Variants in SS18L1 observed in about 807,000 individuals in gnomAD.
The protein encoded by SS18L1 is SS18L1 subunit of BAF chromatin remodeling complex.
SS18L1 carries 32 observed loss-of-function variants against 70.3 expected under a neutral mutation model. The observed-to-expected ratio is 0.46, with a 90% CI of 0.34 to 0.61. The LOEUF is 0.61. Ranked by LOEUF, SS18L1 falls within the 20% of genes least tolerant of loss-of-function variation. The pLI, the probability that SS18L1 is intolerant of heterozygous loss-of-function variation, is 0.01. For synonymous variants in SS18L1, 237 were observed against 229.7 expected, an observed-to-expected ratio of 1.03 and a Z score of -0.29; for missense variants, 430 against 542.1, an observed-to-expected ratio of 0.79 and a Z score of 2.05.
At position 62,164,786 on chromosome 20, in the gene SS18L1, T is replaced by C. The variant is rs1456135309; in HGVS notation, c.823+540T>C. On this transcript the variant is annotated intron_variant, in intron 7 of 10. Coordinates refer to ENST00000331758, the MANE Select transcript of SS18L1 (RefSeq NM_198935.3). ...GTTCACACCTGTCATTCCGGCACTT[T>C]GGGAGGCTGAGGCAGGAGGATCGCT... Among the ~76,000 whole-genome samples, 7 of 152,164 alleles carry C rather than the reference T, an allele frequency of 4.6e-5. No homozygotes were observed. In the East Asian group the frequency reaches 1.3e-3, roughly 29 times the overall value.
intron 8 of SS18L1, 140 bp from the exon 9 acceptor site, chr20:62,172,542 A>G: frequency 2.4e-6 from 3 of 1,247,734 alleles, no homozygotes; most frequent in Non-Finnish European, 2.3e-6. Flanking sequence ...TAGTATTTGA[A>G]TGGTTGTGAA....
At chr20:62,144,556 T>C (rs1568731106) in intron 1 of SS18L1, among the ~76,000 whole-genome samples, 1 of 152,256 alleles carries the variant, frequency 6.6e-6, no homozygotes, top group Non-Finnish European at 1.5e-5. Flanking sequence ...TCCTCGCGGC[T>C]ACGCCGGGTT....
At position 62,163,630 on chromosome 20, in the gene SS18L1, C is replaced by T. The variant is rs1213220097; in HGVS notation, c.721+8C>T. On this transcript the variant is annotated splice_region_variant and intron_variant, in intron 6 of 10. Transcript: ENST00000331758. ...ACCGGCCCTCCCAGCAAGGTAACGC[C>T]CGGCCGGGCCAGGTCGCGGGCACAG... The T allele has an allele frequency of 1.3e-6, 2 of 1,566,908 alleles. No homozygotes were observed. The highest frequency in any genetic ancestry group is 1.3e-5 in the African/African-American group (1 of 74,376).
Position 62,159,089 on chromosome 20 carries a change from C to T in SS18L1, c.146+341C>T, listed in dbSNP as rs949837450. 2 of 1,434,788 alleles carry T rather than the reference C, an allele frequency of 1.4e-6. No individual in the cohort carries two copies. Among genetic ancestry groups the T allele is most frequent in the Non-Finnish European group, 1.9e-6 (2 of 1,074,960 alleles). 88.9% of individuals were successfully genotyped at this position (1,434,788 alleles called of 1,614,324 possible). A position where few individuals can be genotyped will look rare whatever the true frequency, so the allele number is the denominator to read the frequency against. On this transcript the variant is annotated intron_variant, in intron 2 of 10. Coordinates refer to ENST00000331758, the MANE Select transcript of SS18L1 (RefSeq NM_198935.3). This position sits in a 1 kb window ranked among gnomAD's most constrained non-coding sequence, Gnocchi z 4.4. ...TCCCTGGCACAGCTGCGAAGCATTGCTGCCAGAACTGGGGTAGTTCTGAGG... is the reference window on the plus strand; with the variant it reads ...TCCCTGGCACAGCTGCGAAGCATTGTTGCCAGAACTGGGGTAGTTCTGAGG...
Position 62,161,658 on chromosome 20 carries a change from G to A in SS18L1, c.376+78G>A, listed in dbSNP as rs952682117. On this transcript the variant is annotated intron_variant, in intron 4 of 10. Coordinates refer to ENST00000331758, the MANE Select transcript of SS18L1 (RefSeq NM_198935.3). The surrounding 1 kb of genome is among the most constrained non-coding windows in gnomAD (Gnocchi z 4.4). ...CCCTTGGGCAGCCGGCTGCCATGGT[G>A]GGGCACCCCACCCCTCACAGGGCTG... 6.5e-6 allele frequency: 10 copies of A among 1,534,944 alleles called. No homozygotes were observed. The highest frequency in any genetic ancestry group is 7.9e-6 in the Non-Finnish European group (9 of 1,136,476).
chr20:62,166,168 A>G (rs1601033325), intron 8 of SS18L1, among the ~76,000 whole-genome samples: 2 of 152,022 alleles, frequency 1.3e-5, no homozygotes, highest in South Asian at 4.1e-4. Flanking sequence ...TTCCAGTCCC[A>G]CCCCGGGATA....
intron 1 of SS18L1, among the ~76,000 whole-genome samples, chr20:62,151,002 G>A (rs2057120141): frequency 6.6e-6 from 1 of 152,190 alleles, no homozygotes; most frequent in South Asian, 2.1e-4. Flanking sequence ...GGACAACCAT[G>A]AGGACACTGG....
chr20:62,159,751 G>A lies in SS18L1; in HGVS notation c.147-126G>A. On this transcript the variant is annotated intron_variant, in intron 2 of 10. Transcript: ENST00000331758. The surrounding 1 kb of genome is among the most constrained non-coding windows in gnomAD (Gnocchi z 4.4). Reference sequence around the variant, plus strand: ...TGTGTCCAGCTGGGTGTCATCTGGGGTCCATGTCCTCATGGGGTTTGGCTG... The same window carrying A: ...TGTGTCCAGCTGGGTGTCATCTGGGATCCATGTCCTCATGGGGTTTGGCTG... 2.2e-6 allele frequency: 2 copies of A among 890,114 alleles called. No homozygotes were observed. The highest frequency in any genetic ancestry group is 1.7e-6 in the Non-Finnish European group (1 of 584,854). The allele number at this position is 890,114 out of a possible 1,614,324, so 55.1% of individuals were successfully genotyped here.
At chr20:62,156,789 T>G (rs1360475619) in intron 1 of SS18L1, among the ~76,000 whole-genome samples, 4 of 152,096 alleles carry the variant, frequency 2.6e-5, no homozygotes, top group Non-Finnish European at 5.9e-5. Flanking sequence ...GGTGGGCTCC[T>G]CCTCCCCTTG....
chr20:62,154,115 A>G (rs1200337240), intron 1 of SS18L1, among the ~76,000 whole-genome samples: 1 of 152,062 alleles, frequency 6.6e-6, no homozygotes. Context: ...GAAACGGGGG[A>G]GCTGACATGG....
At chr20:62,167,036 T>G (rs2057444878) in intron 8 of SS18L1, among the ~76,000 whole-genome samples, 1 of 127,844 alleles carries the variant, frequency 7.8e-6, no homozygotes, top group Admixed American at 7.7e-5. Context: ...GCTCAGGAGT[T>G]TGTTTGTTTT....
At chr20:62,156,021 A>G (rs375304381) in intron 1 of SS18L1, among the ~76,000 whole-genome samples, 3 of 152,100 alleles carry the variant, frequency 2.0e-5, no homozygotes, top group South Asian at 4.2e-4. Flanking sequence ...CTCTGTATCC[A>G]GTTTTCTAAA....
intron 1 of SS18L1, among the ~76,000 whole-genome samples, chr20:62,144,809 C>G (rs1026446520): frequency 2.0e-5 from 3 of 152,256 alleles, no homozygotes; most frequent in African/African-American, 7.2e-5. Flanking sequence ...TCAGTTGTCA[C>G]AACATCTGTT....
At position 62,162,839 on chromosome 20, in the gene SS18L1, C is replaced by T. The variant is rs140015301; in HGVS notation, c.464C>T (p.Ala155Val). ...MSISGPGYSH[A>V]GPASQGVPMQ... ...ATCTCTGGGCCCGGCTACAGCCACG[C>T]GGGACCCGCCTCGCAGGGCGTCCCC... The change falls in exon 5 of 11, where the codon GCG becomes GTG. Residue 155 changes from alanine (A) to valine (V), a missense_variant. Coordinates refer to ENST00000331758, the MANE Select transcript of SS18L1 (RefSeq NM_198935.3). 31 of 1,612,732 alleles carry T rather than the reference C, an allele frequency of 1.9e-5. No homozygotes were observed. The highest frequency in any genetic ancestry group is 9.3e-5 in the African/African-American group (7 of 74,940).
chr20:62,164,040 TG>T, intron 6 of SS18L1, 104 bp from the exon 7 acceptor site: 1 of 933,514 alleles, frequency 1.1e-6, no homozygotes, highest in Non-Finnish European at 1.6e-6. Flanking sequence ...TCTCCTCGGG[TG>T]GGTGAGGCCA....
rs1316592936 is a variant in SS18L1, at chr20:62,179,673, C to T, written c.*465C>T. The T allele has an allele frequency of 9.4e-6, 2 of 211,818 alleles. No individual in the cohort carries two copies. Among genetic ancestry groups the T allele is most frequent in the Non-Finnish European group, 1.9e-5 (2 of 107,060 alleles). 13.1% of individuals were successfully genotyped at this position (211,818 alleles called of 1,614,324 possible). A position where few individuals can be genotyped will look rare whatever the true frequency, so the allele number is the denominator to read the frequency against. ...TAACTGGCTACGCCACAGCTGGACA[C>T]ACATGCAGCCCCTGGAGGGCAGCCT... On this transcript the variant is annotated 3_prime_UTR_variant, in exon 11 of 11. Transcript: ENST00000331758.
At chr20:62,177,359 C>T (rs1458214737) in intron 10 of SS18L1, among the ~76,000 whole-genome samples, 1 of 151,948 alleles carries the variant, frequency 6.6e-6, no homozygotes, top group Non-Finnish European at 1.5e-5. Context: ...TTCAGCTGAG[C>T]AGCTCTGGAT....
intron 8 of SS18L1, among the ~76,000 whole-genome samples, chr20:62,169,780 CA>C (rs11475719): frequency 0.081 from 11,383 of 140,848 alleles, 523 homozygotes; most frequent in South Asian, 0.21. Context: ...ACTCCATCTC[CA>C]AAAAAAAAAA....
At position 62,165,417 on chromosome 20, in the gene SS18L1, C is replaced by A. The variant is rs1329337818; in HGVS notation, c.824-5C>A. 1 of 1,610,788 alleles carries A rather than the reference C, an allele frequency of 6.2e-7. No homozygotes were observed. Among genetic ancestry groups the A allele is most frequent in the Admixed American group, 1.7e-5 (1 of 59,808 alleles). ...GCTGACTGTCGCCGTCTCCGTTTCG[C>A]ACAGGCCATGGCGATTACGCCTACC... On this transcript the variant is annotated splice_region_variant and splice_polypyrimidine_tract_variant and intron_variant, in intron 7 of 10. Coordinates refer to ENST00000331758, the MANE Select transcript of SS18L1 (RefSeq NM_198935.3).
Sources: allele counts gnomAD v4.1 joint callset (sites outside exome capture counted in the v4.1 genomes callset), GRCh38; gene constraint gnomAD v4.1.1; non-coding constraint Gnocchi (gnomAD v3.1); transcripts MANE v1.5; gene names NCBI Gene and HGNC (gene_info 2026-07-23, HGNC 2026-07-21).